DENND5B: variants seen among roughly 807,000 people sequenced by gnomAD.
DENND5B encodes DENN domain-containing protein 5B.
Under a neutral mutation model 140.6 loss-of-function variants are expected in DENND5B, and 34 were observed. The observed-to-expected ratio is 0.24, with a 90% CI of 0.18 to 0.32. DENND5B has a LOEUF of 0.32. Ranked by LOEUF, DENND5B falls within the 10% of genes least tolerant of loss-of-function variation. The probability of loss-of-function intolerance (pLI) is 1.00; values close to 1 mark genes in which losing one functional copy is unlikely to be tolerated. For synonymous variants in DENND5B, 551 were observed against 562.1 expected, an observed-to-expected ratio of 0.98 and a Z score of 0.28; for missense variants, 1,142 against 1,560.2, an observed-to-expected ratio of 0.73 and a Z score of 4.52.
At chr12:31,525,026 T>G (rs1967210385) in intron 1 of DENND5B, among the ~76,000 whole-genome samples, 1 of 152,082 alleles carries the variant, frequency 6.6e-6, no homozygotes, top group Admixed American at 6.6e-5. Context: ...GAAACCACAA[T>G]GAGATACCAC....
chr12:31,487,164 C>T (rs1180498627), intron 2 of DENND5B, among the ~76,000 whole-genome samples: 1 of 152,108 alleles, frequency 6.6e-6, no homozygotes, highest in Non-Finnish European at 1.5e-5. Flanking sequence ...AGGACTAAGG[C>T]AGATTTACTC....
chr12:31,418,236 G>A (rs763411827), intron 11 of DENND5B, among the ~76,000 whole-genome samples: 30 of 151,706 alleles, frequency 2.0e-4, no homozygotes, highest in Non-Finnish European at 3.2e-4. Context: ...AGACTTGCAG[G>A]GAATGTGTTA....
chr12:31,460,069 T>C lies in DENND5B; in HGVS notation c.1092+125A>G, dbSNP rs1011205319. The C allele has an allele frequency of 1.2e-5, 11 of 911,192 alleles. No individual in the cohort carries two copies. The East Asian group carries it at 1.9e-4, about 15-fold the overall frequency. The allele number at this position is 911,192 out of a possible 1,614,324, so 56.4% of individuals were successfully genotyped here. On this transcript the variant is annotated intron_variant, in intron 4 of 20. Transcript: ENST00000389082. ...TATAGCTCAGGCTCTCCCCTAGCCA[T>C]ACTTGGAGATTTAGGAGAGTCAAAG...
chr12:31,582,042 A>C (rs144178462), intron 1 of DENND5B, among the ~76,000 whole-genome samples: 24 of 152,248 alleles, frequency 1.6e-4, no homozygotes, highest in Admixed American at 1.6e-3. Flanking sequence ...ATGCAACCAC[A>C]ATTTTTGGTT....
intron 16 of DENND5B, 105 bp downstream of exon 16, chr12:31,399,549 G>T (rs1186467037): frequency 4.5e-6 from 4 of 894,808 alleles, no homozygotes; most frequent in Non-Finnish European, 6.9e-6. Context: ...AAAGTGCTGG[G>T]ATTATAGGTG....
At position 31,442,578 on chromosome 12, in the gene DENND5B, CT is replaced by C. The variant is rs879136415; in HGVS notation, c.2012+196del. Among the ~76,000 whole-genome samples, 141 of 143,162 alleles carry C rather than the reference CT, an allele frequency of 9.8e-4. 1 individual carries two copies. The South Asian group carries it at 1.0e-2, about 10-fold the overall frequency. 93.9% of individuals were successfully genotyped at this position (143,162 alleles called of 152,430 possible). On this transcript the variant is annotated intron_variant, in intron 7 of 20. Coordinates refer to ENST00000389082, the MANE Select transcript of DENND5B (RefSeq NM_144973.4). ...AAAAATCTCTAGCCTTTGTTTTTTT[CT>C]TTTTTTTTTTAAATGATGGATTTAA...
At chr12:31,564,555 T>C (rs1283833595) in intron 1 of DENND5B, among the ~76,000 whole-genome samples, 45 of 137,124 alleles carry the variant, frequency 3.3e-4, no homozygotes. Flanking sequence ...CCCCTCTCTT[T>C]TCATTCTATT....
chr12:31,547,674 C>T (rs1014792656), intron 1 of DENND5B, among the ~76,000 whole-genome samples: 1 of 151,824 alleles, frequency 6.6e-6, no homozygotes, highest in Admixed American at 6.6e-5. Context: ...GGATTACAGG[C>T]GTAAACCACT....
intron 1 of DENND5B, among the ~76,000 whole-genome samples, chr12:31,518,643 A>G (rs2138982191): frequency 6.6e-6 from 1 of 151,800 alleles, no homozygotes; most frequent in South Asian, 2.1e-4. Flanking sequence ...TCAAGCTTTT[A>G]GTACTGTATA....
intron 9 of DENND5B, 148 bp from the exon 10 acceptor site, chr12:31,424,835 T>G: frequency 9.7e-7 from 1 of 1,031,526 alleles, no homozygotes; most frequent in Non-Finnish European, 1.4e-6. Flanking sequence ...CTCTTAATCT[T>G]GATGTTCAAC....
At chr12:31,447,887 C>T in intron 5 of DENND5B, 118 bp from the exon 6 acceptor site, 1 of 766,678 alleles carries the variant, frequency 1.3e-6, no homozygotes, top group Middle Eastern at 2.4e-4. Flanking sequence ...AAAACTGACA[C>T]TTGAAATTCA....
intron 1 of DENND5B, chr12:31,499,655 T>G: frequency 2.0e-6 from 3 of 1,501,954 alleles, no homozygotes; most frequent in Non-Finnish European, 2.7e-6. Flanking sequence ...GATCTGCTTC[T>G]AGCCATTGGT....
chr12:31,579,986 T>C, intron 1 of DENND5B, among the ~76,000 whole-genome samples: 1 of 147,174 alleles, frequency 6.8e-6, no homozygotes, highest in East Asian at 2.0e-4. Flanking sequence ...AAAATATATA[T>C]ATAGGATTAA....
intron 1 of DENND5B, among the ~76,000 whole-genome samples, chr12:31,530,802 G>A (rs1179252067): frequency 6.6e-6 from 1 of 152,294 alleles, no homozygotes; most frequent in Non-Finnish European, 1.5e-5. Context: ...TTAAGCCTTA[G>A]AGGAACCCAA....
chr12:31,549,623 G>C (rs1262449724), intron 1 of DENND5B, among the ~76,000 whole-genome samples: 2 of 151,872 alleles, frequency 1.3e-5, no homozygotes, highest in African/African-American at 4.8e-5. Flanking sequence ...ATGGTGGTTT[G>C]CTGCACCTAT....
intron 6 of DENND5B, among the ~76,000 whole-genome samples, chr12:31,443,425 T>C (rs74465954): frequency 0.022 from 3,298 of 152,286 alleles, 115 homozygotes; most frequent in African/African-American, 0.076. Context: ...AATGTAAGTA[T>C]AAAAAGTTAA....
At chr12:31,392,574 T>C in intron 18 of DENND5B, 40 bp downstream of exon 18, 1 of 1,537,394 alleles carries the variant, frequency 6.5e-7, no homozygotes, top group Non-Finnish European at 8.8e-7. Flanking sequence ...AAAGCATCTT[T>C]AAAAGTCCCA....
In DENND5B at chr12:31,450,633, G is replaced by A. The variant is rs555216577; in HGVS notation, c.1629+1307C>T. Among the ~76,000 whole-genome samples, 34 of 152,210 alleles carry A rather than the reference G, an allele frequency of 2.2e-4. No homozygotes were observed. The East Asian group carries it at 6.4e-3, about 29-fold the overall frequency. ...CAACCTCCTAGTGTTGGGATTACAA[G>A]TGTGAGCCACCATGCCCAGCCACTA... On this transcript the variant is annotated intron_variant, in intron 5 of 20. Transcript: ENST00000389082.
At chr12:31,506,286 TTA>T (rs1947199049) in intron 1 of DENND5B, 1 of 151,162 alleles carries the variant, frequency 6.6e-6, no homozygotes, top group South Asian at 2.1e-4. Flanking sequence ...TTTTAATTTA[TTA>T]TTTATTTATT....
Sources: gnomAD v4.1 joint callset for allele counts (sites outside exome capture counted in the v4.1 genomes callset) on GRCh38, gnomAD v4.1.1 for gene constraint, MANE v1.5 for transcripts, NCBI Gene and HGNC (gene_info 2026-07-23, HGNC 2026-07-21) for gene names.